Variants in SEMA5A observed in about 807,000 individuals in gnomAD.
SEMA5A encodes semaphorin 5A.
A neutral mutation model predicts 135.5 loss-of-function variants in SEMA5A; 55 were observed. That is an observed-to-expected ratio of 0.41 (90% CI 0.33 to 0.51). The LOEUF (loss-of-function observed/expected upper bound fraction) is 0.51, where lower values mean the gene tolerates loss of function less well. SEMA5A is among the 20% of genes least tolerant of loss of function. The pLI is 0.37. For synonymous variants in SEMA5A, 580 were observed against 546.5 expected (o/e 1.06, Z -0.85); for missense variants, 1,290 against 1,419.9 (o/e 0.91, Z 1.47).
intron 1 of SEMA5A, among the ~76,000 whole-genome samples, chr5:9,516,057 G>A (rs1736493668): frequency 6.6e-6 from 1 of 152,190 alleles, no homozygotes; most frequent in African/African-American, 2.4e-5. Flanking sequence ...GGTACCATGT[G>A]CTTAATTCAA....
intron 16 of SEMA5A, among the ~76,000 whole-genome samples, chr5:9,101,984 C>T (rs1034341840): frequency 2.6e-5 from 4 of 152,144 alleles, no homozygotes; most frequent in African/African-American, 7.2e-5. Flanking sequence ...ATTGCCCAAA[C>T]ATAACCAAAT....
intron 1 of SEMA5A, among the ~76,000 whole-genome samples, chr5:9,544,012 C>G (rs1738238197): frequency 6.6e-6 from 1 of 152,126 alleles, no homozygotes; most frequent in Admixed American, 6.5e-5. Context: ...ATTACACTCT[C>G]TAAAATAATG....
chr5:9,150,678 G>A (rs542910376), intron 12 of SEMA5A, among the ~76,000 whole-genome samples: 2 of 152,286 alleles, frequency 1.3e-5, no homozygotes, highest in South Asian at 2.1e-4. Flanking sequence ...TGAGGTCCCA[G>A]GATCTCCTTA....
At chr5:9,538,881 G>A (rs1007912743) in intron 1 of SEMA5A, among the ~76,000 whole-genome samples, 5 of 152,302 alleles carry the variant, frequency 3.3e-5, no homozygotes, top group East Asian at 3.9e-4. Flanking sequence ...AGCAGGACTC[G>A]TATTTAGGCC....
chr5:9,353,209 A>G (rs1754254976), intron 3 of SEMA5A, among the ~76,000 whole-genome samples: 6 of 134,214 alleles, frequency 4.5e-5, no homozygotes, highest in Admixed American at 1.5e-4. Context: ...AGGAAAGGAA[A>G]GGAAAGGAAA....
At chr5:9,228,759 G>A (rs918668371) in intron 6 of SEMA5A, among the ~76,000 whole-genome samples, 5 of 152,196 alleles carry the variant, frequency 3.3e-5, no homozygotes, top group East Asian at 1.9e-4. Context: ...AATGAATGAC[G>A]CACGAGGCAT....
At chr5:9,201,909 A>G in intron 9 of SEMA5A, 46 bp downstream of exon 9, 1 of 1,545,774 alleles carries the variant, frequency 6.5e-7, no homozygotes, top group Non-Finnish European at 8.8e-7. Context: ...AGACTTATTC[A>G]GAATGAGTAA....
chr5:9,116,209 G>C (rs1342144284), intron 15 of SEMA5A, among the ~76,000 whole-genome samples: 1 of 152,124 alleles, frequency 6.6e-6, no homozygotes, highest in East Asian at 1.9e-4. Flanking sequence ...AGGAATTCCT[G>C]ACCCACTGGG....
chr5:9,316,006 A>G (rs369882528), intron 5 of SEMA5A, among the ~76,000 whole-genome samples: 1 of 152,204 alleles, frequency 6.6e-6, no homozygotes, highest in African/African-American at 2.4e-5. Flanking sequence ...TTGCCAAATC[A>G]TAATCTCCTA....
intron 3 of SEMA5A, among the ~76,000 whole-genome samples, chr5:9,341,828 A>G (rs984309696): frequency 2.0e-5 from 3 of 151,754 alleles, no homozygotes; most frequent in African/African-American, 7.2e-5. Context: ...TATGGTCTCC[A>G]GCAATGATTT....
intron 5 of SEMA5A, among the ~76,000 whole-genome samples, chr5:9,271,450 G>T (rs1291783573): frequency 1.3e-5 from 2 of 152,186 alleles, no homozygotes; most frequent in Admixed American, 1.3e-4. Flanking sequence ...CTTTGGAACT[G>T]AGTAACAGTT....
At chr5:9,525,573 G>A (rs1737079765) in intron 1 of SEMA5A, among the ~76,000 whole-genome samples, 1 of 152,196 alleles carries the variant, frequency 6.6e-6, no homozygotes, top group South Asian at 2.1e-4. Flanking sequence ...AATACCAGGA[G>A]CACTTGTCTC....
chr5:9,208,553 A>AG (rs1306267575), intron 8 of SEMA5A, among the ~76,000 whole-genome samples: 6 of 152,180 alleles, frequency 3.9e-5, no homozygotes, highest in Admixed American at 3.9e-4. Context: ...AGGAGAGAAT[A>AG]GGGAAAGGGC....
chr5:9,420,277 C>G (rs971081267), intron 2 of SEMA5A, among the ~76,000 whole-genome samples: 1 of 151,984 alleles, frequency 6.6e-6, no homozygotes, highest in Non-Finnish European at 1.5e-5. Flanking sequence ...TATGCAACAC[C>G]CCTGGAATAA....
At position 9,204,045 on chromosome 5, in the gene SEMA5A, C is replaced by T. The variant is rs186748352; in HGVS notation, c.647-1805G>A. Among the ~76,000 whole-genome samples the T allele has an allele frequency of 1.3e-3, 204 of 152,024 alleles. 1 individual carries two copies. The highest frequency in any genetic ancestry group is 1.4e-3 in the Admixed American group (21 of 15,282). ...ACAGAATTACCTGATGAAGCAGGCCCCAAAAGCAAAGATACGGAACAATTT... is the reference window on the plus strand; with the variant it reads ...ACAGAATTACCTGATGAAGCAGGCCTCAAAAGCAAAGATACGGAACAATTT... On this transcript the variant is annotated intron_variant, in intron 8 of 22. Coordinates refer to ENST00000382496, the MANE Select transcript of SEMA5A (RefSeq NM_003966.3). The surrounding 1 kb of genome is among the most constrained non-coding windows in gnomAD (Gnocchi z 6.4).
At chr5:9,436,991 G>GA (rs1239204551) in intron 2 of SEMA5A, among the ~76,000 whole-genome samples, 1 of 152,216 alleles carries the variant, frequency 6.6e-6, no homozygotes, top group Non-Finnish European at 1.5e-5. Flanking sequence ...AGGGCCACAG[G>GA]AAGGAGGAAA....
At chr5:9,251,525 T>C (rs139600223) in intron 5 of SEMA5A, among the ~76,000 whole-genome samples, 198 of 152,314 alleles carry the variant, frequency 1.3e-3, no homozygotes, top group Non-Finnish European at 2.4e-3. Flanking sequence ...TGACTCTGAT[T>C]TCTCAAGTTT....
intron 1 of SEMA5A, among the ~76,000 whole-genome samples, chr5:9,513,868 G>C (rs760635200): frequency 6.6e-6 from 1 of 152,184 alleles, no homozygotes; most frequent in Non-Finnish European, 1.5e-5. Context: ...TAGTGAGATA[G>C]TGGAGTGGAA....
At chr5:9,285,605 C>A (rs76992273) in intron 5 of SEMA5A, among the ~76,000 whole-genome samples, 9 of 152,240 alleles carry the variant, frequency 5.9e-5, no homozygotes, top group African/African-American at 1.7e-4. Context: ...GACTTAAACA[C>A]CAGCTCACAA....
Sources: gnomAD v4.1 joint callset for allele counts (sites outside exome capture counted in the v4.1 genomes callset) on GRCh38, gnomAD v4.1.1 for gene constraint, Gnocchi (gnomAD v3.1) non-coding constraint, MANE v1.5 for transcripts, NCBI Gene and HGNC (gene_info 2026-07-23, HGNC 2026-07-21) for gene names.